CDH12: variants seen among roughly 807,000 people sequenced by gnomAD.
CDH12 encodes the protein cadherin 12, also known as cadherin-12.
A neutral mutation model predicts 74.1 loss-of-function variants in CDH12; 41 were observed. That is an observed-to-expected ratio of 0.55 (90% CI 0.43 to 0.72). The LOEUF is 0.72. CDH12 is among the 30% of genes least tolerant of loss of function. CDH12 has a pLI of 0.00. For missense variants in CDH12, 945 were observed against 977.2 expected (o/e 0.97, Z 0.44); for synonymous variants, 399 against 355.0 (o/e 1.12, Z -1.39).
At chr5:21,778,903 T>C (rs1308712023) in intron 11 of CDH12, among the ~76,000 whole-genome samples, 2 of 152,170 alleles carry the variant, frequency 1.3e-5, no homozygotes, top group African/African-American at 4.8e-5. Flanking sequence ...TCATGTGAAA[T>C]TTTAAAAAGT....
At chr5:21,893,065 G>C (rs1337626834) in intron 6 of CDH12, among the ~76,000 whole-genome samples, 1 of 152,026 alleles carries the variant, frequency 6.6e-6, no homozygotes, top group Non-Finnish European at 1.5e-5. Flanking sequence ...ATCTTCTATA[G>C]TAACAAAGTT....
At chr5:22,566,235 T>C (rs568194555) in intron 1 of CDH12, among the ~76,000 whole-genome samples, 1 of 151,874 alleles carries the variant, frequency 6.6e-6, no homozygotes, top group South Asian at 2.1e-4. Flanking sequence ...TTGTTCTTTT[T>C]TCTTTCTTTT....
chr5:21,892,747 T>C (rs1053748475), intron 6 of CDH12, among the ~76,000 whole-genome samples: 3 of 152,128 alleles, frequency 2.0e-5, no homozygotes, highest in Non-Finnish European at 4.4e-5. Flanking sequence ...ATGGCCATTC[T>C]CCTCCTTAAA....
rs545852646 is a variant in CDH12, at chr5:22,552,989, A to G, written c.-522-47625T>C. ...CTTAAAAATATATAATATACTGGTT[A>G]ACTTGTATCTTTTAATGGGTAGGCA... On this transcript the variant is annotated intron_variant, in intron 1 of 14. Coordinates refer to ENST00000382254, the MANE Select transcript of CDH12 (RefSeq NM_004061.5). Among the ~76,000 whole-genome samples, 11 of 152,284 alleles carry G rather than the reference A, an allele frequency of 7.2e-5. No homozygotes were observed. In the South Asian group the frequency reaches 2.3e-3, roughly 32 times the overall value.
At chr5:22,806,391 G>C (rs1195830169) in intron 1 of CDH12, among the ~76,000 whole-genome samples, 3 of 140,940 alleles carry the variant, frequency 2.1e-5, no homozygotes, top group East Asian at 2.1e-4. Flanking sequence ...CTCGCTCTGT[G>C]GCCCAGGCTG....
intron 1 of CDH12, among the ~76,000 whole-genome samples, chr5:22,635,754 A>T (rs974138594): frequency 1.3e-4 from 20 of 152,162 alleles, no homozygotes; most frequent in African/African-American, 4.1e-4. Context: ...TCTCTACTGA[A>T]AATACAAAAA....
At chr5:21,971,822 G>A (rs547279178) in intron 6 of CDH12, among the ~76,000 whole-genome samples, 9 of 152,132 alleles carry the variant, frequency 5.9e-5, no homozygotes, top group Admixed American at 2.0e-4. Flanking sequence ...AGTAATTTCC[G>A]GAGGTCAGAG....
chr5:22,500,141 A>C (rs1030441361), intron 2 of CDH12, among the ~76,000 whole-genome samples: 16 of 152,160 alleles, frequency 1.1e-4, no homozygotes, highest in African/African-American at 3.6e-4. Flanking sequence ...CTTTTTCAAA[A>C]GCTTTAAAAT....
chr5:22,708,640 C>G (rs150747709), intron 1 of CDH12, among the ~76,000 whole-genome samples: 2 of 151,820 alleles, frequency 1.3e-5, no homozygotes, highest in East Asian at 3.9e-4. Flanking sequence ...TGGTGGGGGC[C>G]GTGGGTGTGC....
intron 5 of CDH12, among the ~76,000 whole-genome samples, chr5:22,064,988 G>A (rs1417770303): frequency 2.6e-5 from 4 of 152,184 alleles, no homozygotes; most frequent in Middle Eastern, 3.2e-3. Flanking sequence ...AAGCTGGAAT[G>A]AGCATGTTTG....
chr5:22,538,641 T>A (rs918942297), intron 1 of CDH12, among the ~76,000 whole-genome samples: 2 of 152,238 alleles, frequency 1.3e-5, no homozygotes, highest in African/African-American at 4.8e-5. Flanking sequence ...CCCAGTTTAG[T>A]ACTTCTCAAA....
chr5:21,934,014 A>G lies in CDH12; in HGVS notation c.526+41077T>C, dbSNP rs372569532. The stretch of plus-strand genomic sequence containing the variant: ...GACAAAAGGATTGCTTGAAAACAGC[A>G]AATTGTGTCATTGGGTATTTTTCTT... On this transcript the variant is annotated intron_variant, in intron 6 of 14. Coordinates refer to ENST00000382254, the MANE Select transcript of CDH12 (RefSeq NM_004061.5). Among the ~76,000 whole-genome samples the G allele has an allele frequency of 3.9e-5, 6 of 152,334 alleles. No homozygotes were observed. The East Asian group carries it at 1.2e-3, about 29-fold the overall frequency.
At chr5:21,996,105 G>GT (rs61516659) in intron 5 of CDH12, among the ~76,000 whole-genome samples, 1,975 of 113,348 alleles carry the variant, frequency 0.017, 150 homozygotes, top group African/African-American at 0.025. Flanking sequence ...TCACACACAC[G>GT]TTTTTTTTTT....
intron 3 of CDH12, among the ~76,000 whole-genome samples, chr5:22,338,262 C>T (rs1739677892): frequency 6.6e-6 from 1 of 152,018 alleles, no homozygotes; most frequent in Non-Finnish European, 1.5e-5. Context: ...AAGATTATGC[C>T]ATTTGCAACA....
At chr5:22,839,619 G>C (rs1398815621) in intron 1 of CDH12, among the ~76,000 whole-genome samples, 1 of 152,066 alleles carries the variant, frequency 6.6e-6, no homozygotes, top group Admixed American at 6.5e-5. Context: ...GCCTCCCAAA[G>C]TGCTGGGATT....
chr5:22,380,864 A>C (rs1232232162), intron 3 of CDH12, among the ~76,000 whole-genome samples: 1 of 152,138 alleles, frequency 6.6e-6, no homozygotes, highest in East Asian at 1.9e-4. Flanking sequence ...TATGCTTATA[A>C]CATAAAAATC....
chr5:21,890,209 G>C (rs181348037), intron 6 of CDH12, among the ~76,000 whole-genome samples: 1 of 152,084 alleles, frequency 6.6e-6, no homozygotes, highest in East Asian at 1.9e-4. Flanking sequence ...TAATTGTTAA[G>C]ATTTATTTCC....
At chr5:22,334,143 G>T (rs2150447900) in intron 3 of CDH12, among the ~76,000 whole-genome samples, 1 of 152,024 alleles carries the variant, frequency 6.6e-6, no homozygotes, top group Admixed American at 6.6e-5. Flanking sequence ...TCAGACAAGA[G>T]AAAGAAATAA....
chr5:22,008,524 C>T (rs940260143), intron 5 of CDH12, among the ~76,000 whole-genome samples: 4 of 152,098 alleles, frequency 2.6e-5, no homozygotes, highest in African/African-American at 7.2e-5. Flanking sequence ...CCACTGCACC[C>T]GACTTACAAG....
Sources: gnomAD v4.1 joint callset for allele counts (sites outside exome capture counted in the v4.1 genomes callset) on GRCh38, gnomAD v4.1.1 for gene constraint, MANE v1.5 for transcripts, NCBI Gene and HGNC (gene_info 2026-07-23, HGNC 2026-07-21) for gene names.